Variants in IMMP2L observed in about 807,000 individuals in gnomAD.
IMMP2L encodes the protein mitochondrial inner membrane protease subunit 2.
A neutral mutation model predicts 19.3 loss-of-function variants in IMMP2L; 18 were observed. The ratio of observed to expected loss-of-function variants is 0.93; its 90% CI spans 0.64 to 1.38. IMMP2L has a LOEUF of 1.38. Among genes scored for constraint, IMMP2L ranks in the 40% most tolerant of loss-of-function variants. The probability of loss-of-function intolerance (pLI) is 0.00; values close to 1 mark genes in which losing one functional copy is unlikely to be tolerated. For synonymous variants in IMMP2L, 76 were observed against 73.0 expected, an observed-to-expected ratio of 1.04 and a Z score of -0.21; for missense variants, 233 against 218.2, an observed-to-expected ratio of 1.07 and a Z score of -0.43.
At chr7:111,092,164 A>G (rs1364494049) in intron 3 of IMMP2L, among the ~76,000 whole-genome samples, 3 of 152,194 alleles carry the variant, frequency 2.0e-5, no homozygotes, top group African/African-American at 7.2e-5. Flanking sequence ...CTTCCCTTTA[A>G]TAACATCCCC....
At chr7:110,838,592 G>A (rs952974514) in intron 5 of IMMP2L, among the ~76,000 whole-genome samples, 48 of 151,634 alleles carry the variant, frequency 3.2e-4, no homozygotes, top group Admixed American at 5.9e-4. Context: ...ATAAAGACCC[G>A]AATGAGGACG....
intron 3 of IMMP2L, among the ~76,000 whole-genome samples, chr7:111,071,514 G>A (rs1586079397): frequency 6.6e-6 from 1 of 152,098 alleles, no homozygotes. Flanking sequence ...GATAAATGGA[G>A]AAACAAAATG....
intron 4 of IMMP2L, among the ~76,000 whole-genome samples, chr7:110,921,366 T>C (rs1814256916): frequency 6.6e-6 from 1 of 152,186 alleles, no homozygotes; most frequent in Non-Finnish European, 1.5e-5. Context: ...GGGAGAGTGG[T>C]AGCTGCAGGC....
chr7:110,987,269 T>G (rs967715421), intron 3 of IMMP2L, among the ~76,000 whole-genome samples: 2 of 152,168 alleles, frequency 1.3e-5, no homozygotes, highest in African/African-American at 4.8e-5. Context: ...CAAGTGTTCT[T>G]GTTATTTTTA....
intron 5 of IMMP2L, among the ~76,000 whole-genome samples, chr7:110,849,828 G>C (rs917565607): frequency 6.6e-6 from 1 of 151,904 alleles, no homozygotes; most frequent in African/African-American, 2.4e-5. Flanking sequence ...TATCAGAAAG[G>C]TAGAAAAGAT....
chr7:110,691,235 A>G (rs1793484797), intron 5 of IMMP2L, among the ~76,000 whole-genome samples: 1 of 152,162 alleles, frequency 6.6e-6, no homozygotes, highest in South Asian at 2.1e-4. Flanking sequence ...ACCCTATGTC[A>G]TAAGTGGTGC....
rs542063297 is a variant in IMMP2L, at chr7:110,666,510, G to A, written c.409-2789C>T. 8.7e-4 allele frequency among the ~76,000 whole-genome samples: 133 copies of A among 152,084 alleles called. 1 individual carries two copies. Among genetic ancestry groups the A allele is most frequent in the African/African-American group, 2.9e-3 (122 of 41,488 alleles). ...AGGATGGTCTTGATCTCTTGACCTC[G>A]TGATCCACCAGCCTCAGCCTCCCAA... On this transcript the variant is annotated intron_variant, in intron 5 of 5. Coordinates refer to ENST00000405709, the MANE Select transcript of IMMP2L (RefSeq NM_032549.4).
chr7:111,539,699 TAAGAATAA>T (rs1178425645), intron 1 of IMMP2L, among the ~76,000 whole-genome samples: 1 of 151,192 alleles, frequency 6.6e-6, no homozygotes, highest in Non-Finnish European at 1.5e-5. Flanking sequence ...TACATTAAAA[TAAGAATAA>T]AAGAAAAAAA....
At chr7:111,483,268 C>T (rs1398155252) in intron 3 of IMMP2L, among the ~76,000 whole-genome samples, 1 of 152,110 alleles carries the variant, frequency 6.6e-6, no homozygotes, top group Non-Finnish European at 1.5e-5. Flanking sequence ...TATGAAAGAA[C>T]CTCTGTCCCG....
chr7:110,672,395 A>C (rs760271372), intron 5 of IMMP2L, among the ~76,000 whole-genome samples: 7 of 152,218 alleles, frequency 4.6e-5, no homozygotes, highest in Non-Finnish European at 1.0e-4. Flanking sequence ...GATGAGATTT[A>C]AGTGGGGACA....
chr7:110,973,926 T>G (rs1375672586), intron 3 of IMMP2L, among the ~76,000 whole-genome samples: 1 of 152,012 alleles, frequency 6.6e-6, no homozygotes, highest in East Asian at 1.9e-4. Flanking sequence ...GGGAGATTAT[T>G]AAGTCAAAAT....
chr7:110,879,601 TA>T (rs1809440600), intron 5 of IMMP2L, among the ~76,000 whole-genome samples: 1 of 152,140 alleles, frequency 6.6e-6, no homozygotes, highest in East Asian at 1.9e-4. Context: ...GCCAATTCTT[TA>T]AAAGTATGTT....
chr7:110,732,644 G>T (rs1796343197), intron 5 of IMMP2L, among the ~76,000 whole-genome samples: 1 of 152,018 alleles, frequency 6.6e-6, no homozygotes, highest in Non-Finnish European at 1.5e-5. Flanking sequence ...CAAAATAACT[G>T]GTTTTTTTAG....
chr7:111,221,716 C>T (rs1031512028), intron 3 of IMMP2L, among the ~76,000 whole-genome samples: 2 of 151,910 alleles, frequency 1.3e-5, no homozygotes, highest in African/African-American at 4.8e-5. Flanking sequence ...AATTTGAAGT[C>T]ATTCCATAGA....
intron 2 of IMMP2L, among the ~76,000 whole-genome samples, chr7:111,518,821 T>C (rs539415831): frequency 1.3e-5 from 2 of 152,266 alleles, no homozygotes; most frequent in South Asian, 2.1e-4. Flanking sequence ...TGTAAAAACA[T>C]ATTTTCCTTT....
intron 3 of IMMP2L, among the ~76,000 whole-genome samples, chr7:111,476,015 AATTCTTAT>A (rs1841690219): frequency 6.6e-6 from 1 of 152,130 alleles, no homozygotes; most frequent in Middle Eastern, 3.2e-3. Flanking sequence ...CTGAGGGATT[AATTCTTAT>A]GTTGAACTTC....
At chr7:111,339,626 T>C (rs1043193396) in intron 3 of IMMP2L, among the ~76,000 whole-genome samples, 2 of 151,856 alleles carry the variant, frequency 1.3e-5, no homozygotes, top group African/African-American at 4.8e-5. Flanking sequence ...TTAAACAAAC[T>C]ACACCACTCC....
intron 5 of IMMP2L, among the ~76,000 whole-genome samples, chr7:110,813,614 C>A (rs1336545775): frequency 6.6e-6 from 1 of 151,314 alleles, no homozygotes; most frequent in African/African-American, 2.4e-5. Flanking sequence ...ACACGCCTGG[C>A]CTAAAATATT....
At chr7:111,146,239 G>A (rs968130355) in intron 3 of IMMP2L, among the ~76,000 whole-genome samples, 6 of 149,930 alleles carry the variant, frequency 4.0e-5, no homozygotes, top group African/African-American at 1.5e-4. Context: ...AAAGAGGTGG[G>A]GGAGGGAGGG....
Sources: gnomAD v4.1 joint callset for allele counts (sites outside exome capture counted in the v4.1 genomes callset) on GRCh38, gnomAD v4.1.1 for gene constraint, MANE v1.5 for transcripts, NCBI Gene and HGNC (gene_info 2026-07-23, HGNC 2026-07-21) for gene names.